SNX24: variants seen among roughly 807,000 people sequenced by gnomAD.
The protein encoded by SNX24 is sorting nexin 24.
Under a neutral mutation model 28.7 loss-of-function variants are expected in SNX24, and 22 were observed. The ratio of observed to expected loss-of-function variants is 0.77; its 90% CI spans 0.55 to 1.10. The LOEUF (loss-of-function observed/expected upper bound fraction) is 1.10. SNX24 is among the 50% of genes least tolerant of loss of function. The pLI is 0.00. For synonymous variants in SNX24, 69 were observed against 71.5 expected, an observed-to-expected ratio of 0.96 and a Z score of 0.18; for missense variants, 221 against 201.1, an observed-to-expected ratio of 1.10 and a Z score of -0.60.
chr5:122,853,367 T>C (rs947795584), intron 1 of SNX24, among the ~76,000 whole-genome samples: 1 of 152,120 alleles, frequency 6.6e-6, no homozygotes, highest in African/African-American at 2.4e-5. Context: ...GACCTTGTGA[T>C]CCACCCGCCT....
At chr5:122,997,443 C>G (rs1416365591) in intron 3 of SNX24, among the ~76,000 whole-genome samples, 1 of 152,136 alleles carries the variant, frequency 6.6e-6, no homozygotes, top group Admixed American at 6.6e-5. Flanking sequence ...TTGGAGAACT[C>G]TGTTTGGGGA....
intron 1 of SNX24, among the ~76,000 whole-genome samples, chr5:122,924,094 G>C (rs1465350381): frequency 1.3e-5 from 2 of 152,056 alleles, no homozygotes; most frequent in East Asian, 3.9e-4. Flanking sequence ...CTTATCCTCA[G>C]GTGTTATGTT....
intron 1 of SNX24, among the ~76,000 whole-genome samples, chr5:122,853,302 A>ATT (rs1755020204): frequency 6.6e-6 from 1 of 151,294 alleles, no homozygotes; most frequent in Non-Finnish European, 1.5e-5. Context: ...AATGTTTTGT[A>ATT]TTTTTTAGTA....
At chr5:122,908,104 TG>T (rs1445982402) in intron 1 of SNX24, among the ~76,000 whole-genome samples, 1 of 152,232 alleles carries the variant, frequency 6.6e-6, no homozygotes, top group Non-Finnish European at 1.5e-5. Context: ...GGTTTGGTGC[TG>T]TAAGCACAAG....
chr5:122,953,933 A>G (rs900826282), intron 3 of SNX24, among the ~76,000 whole-genome samples: 3 of 152,198 alleles, frequency 2.0e-5, no homozygotes, highest in African/African-American at 7.2e-5. Flanking sequence ...TTCCGAAGCT[A>G]GAGTGAGGCT....
chr5:122,946,893 G>C (rs1416557487), intron 3 of SNX24, among the ~76,000 whole-genome samples: 1 of 152,186 alleles, frequency 6.6e-6, no homozygotes, highest in African/African-American at 2.4e-5. Context: ...AGGAGCTGGG[G>C]TGGGCAGGCC....
At chr5:122,879,167 A>G (rs1756365419) in intron 1 of SNX24, among the ~76,000 whole-genome samples, 1 of 152,110 alleles carries the variant, frequency 6.6e-6, no homozygotes. Flanking sequence ...TTTTGTAGTA[A>G]TTTTTTGAAA....
intron 1 of SNX24, among the ~76,000 whole-genome samples, chr5:122,925,599 A>T (rs895743298): frequency 6.6e-6 from 1 of 151,956 alleles, no homozygotes; most frequent in Non-Finnish European, 1.5e-5. Flanking sequence ...GGCCCTCATG[A>T]ACAGTCTTCT....
chr5:123,022,451 A>G (rs1762774749), intron 5 of SNX24: 1 of 152,278 alleles, frequency 6.6e-6, no homozygotes, highest in Admixed American at 6.6e-5. Flanking sequence ...AGGCCCCTGT[A>G]GAATTTCACT....
chr5:122,973,382 G>C (rs1048276539), intron 3 of SNX24, among the ~76,000 whole-genome samples: 17 of 152,216 alleles, frequency 1.1e-4, no homozygotes, highest in African/African-American at 3.4e-4. Flanking sequence ...CTTCAGGGCT[G>C]TCCTAGAAAG....
At chr5:122,994,506 C>A (rs1581845590) in intron 3 of SNX24, among the ~76,000 whole-genome samples, 1 of 152,110 alleles carries the variant, frequency 6.6e-6, no homozygotes, top group Non-Finnish European at 1.5e-5. Flanking sequence ...TTTGGGATGT[C>A]ACAGAAAGAA....
chr5:122,879,932 C>T (rs1183988049), intron 1 of SNX24, among the ~76,000 whole-genome samples: 1 of 152,164 alleles, frequency 6.6e-6, no homozygotes, highest in African/African-American at 2.4e-5. Context: ...TAAGGCTTAA[C>T]AAGTAAGTTA....
intron 1 of SNX24, among the ~76,000 whole-genome samples, chr5:122,913,678 CAG>C (rs1039926625): frequency 2.0e-5 from 3 of 150,794 alleles, no homozygotes; most frequent in Admixed American, 6.6e-5. Flanking sequence ...GGCAGCCGGG[CAG>C]AGACTCTCCT....
chr5:122,883,053 G>C (rs1325596309), intron 1 of SNX24, among the ~76,000 whole-genome samples: 1 of 152,138 alleles, frequency 6.6e-6, no homozygotes, highest in Non-Finnish European at 1.5e-5. Context: ...GTACTGCAGT[G>C]AGCCAGTGGA....
chr5:122,953,008 G>GA (rs1167969139), intron 3 of SNX24, among the ~76,000 whole-genome samples: 5 of 151,580 alleles, frequency 3.3e-5, no homozygotes, highest in African/African-American at 1.2e-4. Flanking sequence ...ATAATAGAAG[G>GA]AAAAATAGTT....
At chr5:122,982,473 C>T (rs548629199) in intron 3 of SNX24, among the ~76,000 whole-genome samples, 1 of 152,230 alleles carries the variant, frequency 6.6e-6, no homozygotes, top group East Asian at 1.9e-4. Context: ...ATATAAAAAG[C>T]ATTTTTTATG....
intron 1 of SNX24, among the ~76,000 whole-genome samples, chr5:122,870,119 G>A (rs985397862): frequency 6.6e-6 from 1 of 152,168 alleles, no homozygotes; most frequent in Non-Finnish European, 1.5e-5. Flanking sequence ...TTTGCTTGTA[G>A]TATAGAATGT....
intron 5 of SNX24, among the ~76,000 whole-genome samples, chr5:123,027,862 G>T (rs1762884131): frequency 6.6e-6 from 1 of 152,190 alleles, no homozygotes; most frequent in African/African-American, 2.4e-5. Context: ...TTCAAGAAAA[G>T]AACTAAACTT....
chr5:122,944,553 G>C (rs1759598417), intron 2 of SNX24, among the ~76,000 whole-genome samples: 1 of 152,142 alleles, frequency 6.6e-6, no homozygotes, highest in Non-Finnish European at 1.5e-5. Context: ...CCAAAATAAT[G>C]GTGACATTAA....
Sources: gnomAD v4.1 joint callset for allele counts (sites outside exome capture counted in the v4.1 genomes callset) on GRCh38, gnomAD v4.1.1 for gene constraint, MANE v1.5 for transcripts, NCBI Gene and HGNC (gene_info 2026-07-23, HGNC 2026-07-21) for gene names.